Variants in ANXA7 observed in about 807,000 individuals in gnomAD.
ANXA7 encodes the protein annexin VII.
A neutral mutation model predicts 64.9 loss-of-function variants in ANXA7; 55 were observed. That is an observed-to-expected ratio of 0.85 (90% CI 0.68 to 1.06). The LOEUF is 1.06. ANXA7 is among the 50% of genes least tolerant of loss of function. ANXA7 has a pLI of 0.00. For synonymous variants in ANXA7, 200 were observed against 192.4 expected (o/e 1.04, Z -0.33); for missense variants, 548 against 582.1 (o/e 0.94, Z 0.60).
Position 73,383,578 on chromosome 10 carries a change from T to C in ANXA7, c.746A>G (p.Gln249Arg), listed in dbSNP as rs1267843761. ...YDAWSLRKAM[Q>R]GAGTQERVLI... The stretch of plus-strand genomic sequence containing the variant: ...ATAATAAATGACATATAGTAGTACC[T>C]GCATTGCTTTCCGTAAGCTCCAGGC... The change falls in exon 8 of 13, where the codon CAG becomes CGG. Residue 249 changes from glutamine (Q) to arginine (R), a missense_variant and splice_region_variant. Physicochemically the swap from Gln to Arg is conservative, Grantham distance 43 (BLOSUM62 1). Coordinates refer to ENST00000372921, the MANE Select transcript of ANXA7 (RefSeq NM_001156.5). 6 of 1,600,218 alleles carry C rather than the reference T, an allele frequency of 3.7e-6. No homozygotes were observed. The highest frequency in any genetic ancestry group is 2.6e-6 in the Non-Finnish European group (3 of 1,167,574).
At chr10:73,378,508 T>A (rs956455042) in intron 12 of ANXA7, among the ~76,000 whole-genome samples, 2 of 152,170 alleles carry the variant, frequency 1.3e-5, no homozygotes, top group Non-Finnish European at 2.9e-5. Context: ...ATGAATATTT[T>A]AAAAATTGTT....
At chr10:73,390,902 T>A (rs1356432008) in intron 5 of ANXA7, among the ~76,000 whole-genome samples, 1 of 151,870 alleles carries the variant, frequency 6.6e-6, no homozygotes, top group Non-Finnish European at 1.5e-5. Flanking sequence ...CTGGGCACAG[T>A]GGCTCATGCC....
At chr10:73,396,625 T>C (rs748274070) in intron 4 of ANXA7, 42 bp from the exon 5 acceptor site, 17 of 1,314,878 alleles carry the variant, frequency 1.3e-5, no homozygotes. Context: ...GCAACAGGTC[T>C]TACATGTTTT....
At chr10:73,379,134 C>T (rs1014122803) in intron 11 of ANXA7, 111 bp from the exon 12 acceptor site, 4 of 696,980 alleles carry the variant, frequency 5.7e-6, no homozygotes, top group African/African-American at 3.7e-5. Flanking sequence ...CTGTAATCAT[C>T]ACAGAAACAT....
intron 9 of ANXA7, chr10:73,381,357 G>A (rs914305660): frequency 6.6e-6 from 1 of 152,210 alleles, no homozygotes; most frequent in African/African-American, 2.4e-5. Flanking sequence ...AAGAAAGGAA[G>A]GAGGAAGGAA....
chr10:73,390,282 G>A (rs2055448111), intron 5 of ANXA7, among the ~76,000 whole-genome samples: 1 of 152,138 alleles, frequency 6.6e-6, no homozygotes, highest in African/African-American at 2.4e-5. Flanking sequence ...AAGCAACTGA[G>A]GAGATGAGAA....
chr10:73,379,889 C>G lies in ANXA7; in HGVS notation c.1155G>C (p.Leu385Phe), dbSNP rs760291333. 20 of 1,614,034 alleles carry G rather than the reference C, an allele frequency of 1.2e-5. No homozygotes were observed. The highest frequency in any genetic ancestry group is 1.5e-5 in the Non-Finnish European group (18 of 1,180,016). The change falls in exon 11 of 13, where the codon TTG becomes TTC. Residue 385 changes from leucine to phenylalanine, a missense_variant. Transcript: ENST00000372921. ...ACAAAAATATCTTACAGATGGTCTT[C>G]AAACCACTTTCTACATATCCGGAAA... is the stretch of plus-strand genomic sequence containing the variant. ...REFSGYVESGLKTILQCALNR... is the reference protein window; with the variant it reads ...REFSGYVESGFKTILQCALNR...
chr10:73,383,301 T>A lies in ANXA7; in HGVS notation c.792A>T (p.Thr264=). 3 of 1,614,176 alleles carry A rather than the reference T, an allele frequency of 1.9e-6. No individual in the cohort carries two copies. In the South Asian group the frequency reaches 3.3e-5, roughly 18 times the overall value. ...QERVLIEILC[T]RTNQEIREIV... ...TTTCTCGGATTTCCTGATTTGTTCT[T>A]GTGCACAAAATCTCAATCAATACAC... is the stretch of plus-strand genomic sequence containing the variant. The change falls in exon 9 of 13, where the codon ACA becomes ACT. Residue 264 remains threonine (T), a synonymous_variant. Coordinates refer to ENST00000372921, the MANE Select transcript of ANXA7 (RefSeq NM_001156.5).
intron 5 of ANXA7, among the ~76,000 whole-genome samples, chr10:73,395,305 C>G (rs549422389): frequency 7.2e-5 from 11 of 152,288 alleles, no homozygotes; most frequent in Admixed American, 5.9e-4. Flanking sequence ...ATACTAGAAT[C>G]CTTCTCCTAC....
In ANXA7 at chr10:73,378,800, G is replaced by C. The variant is rs543560451; in HGVS notation, c.1278+111C>G. The C allele has an allele frequency of 1.8e-5, 14 of 762,854 alleles. No homozygotes were observed. The Admixed American group carries it at 2.6e-4, about 14-fold the overall frequency. The allele number at this position is 762,854 out of a possible 1,614,324, so 47.3% of individuals were successfully genotyped here. The stretch of plus-strand genomic sequence containing the variant: ...TATACCACCTCTTTTAGGTGGCAAA[G>C]AGAGCTCTTTCTTATCATTTTTGAG... On this transcript the variant is annotated intron_variant, in intron 12 of 12. Coordinates refer to ENST00000372921, the MANE Select transcript of ANXA7 (RefSeq NM_001156.5).
At position 73,379,735 on chromosome 10, in the gene ANXA7, C is replaced by T. The variant is rs2055242994; in HGVS notation, c.1165+144G>A. 9 of 822,390 alleles carry T rather than the reference C, an allele frequency of 1.1e-5. No individual in the cohort carries two copies. The East Asian group carries it at 2.0e-4, about 18-fold the overall frequency. The allele number at this position is 822,390 out of a possible 1,614,324, so 50.9% of individuals were successfully genotyped here. The stretch of plus-strand genomic sequence containing the variant: ...CTTATCCAATAAAGAAAACAAACAA[C>T]AAAAAACAAACCCCAAAGGATTAGA... On this transcript the variant is annotated intron_variant, in intron 11 of 12. Coordinates refer to ENST00000372921, the MANE Select transcript of ANXA7 (RefSeq NM_001156.5).
intron 12 of ANXA7, among the ~76,000 whole-genome samples, chr10:73,378,377 CAAAAAAAA>C (rs755093944): frequency 4.8e-5 from 3 of 63,150 alleles, no homozygotes; most frequent in East Asian, 4.6e-4. Context: ...GACCATGTCT[CAAAAAAAA>C]AAAAAAAAAA....
chr10:73,383,442 A>C, intron 8 of ANXA7, 97 bp from the exon 9 acceptor site: 1 of 1,319,154 alleles, frequency 7.6e-7, no homozygotes. Context: ...AGAACTAAAA[A>C]CTATATATTC....
chr10:73,377,904 C>CAT (rs1304811684), intron 12 of ANXA7, among the ~76,000 whole-genome samples: 2 of 119,328 alleles, frequency 1.7e-5, no homozygotes, highest in South Asian at 3.2e-4. Context: ...CACGCCCCGG[C>CAT]GTGTGTGTGT....
At chr10:73,391,357 C>A (rs1005660454) in intron 5 of ANXA7, among the ~76,000 whole-genome samples, 2 of 151,806 alleles carry the variant, frequency 1.3e-5, no homozygotes, top group African/African-American at 4.8e-5. Flanking sequence ...ACATCTGCAA[C>A]TCCAGCATTT....
Position 73,393,143 on chromosome 10 carries a change from A to T in ANXA7, c.435+3376T>A, listed in dbSNP as rs2055513667. On this transcript the variant is annotated intron_variant, in intron 5 of 12. Transcript: ENST00000372921. ...TAAAATACATAGGAAGCCAACTTACAAGGGATGTGAAGGACCTCTTCAAGG... is the reference window on the plus strand; with the variant it reads ...TAAAATACATAGGAAGCCAACTTACTAGGGATGTGAAGGACCTCTTCAAGG... Among the ~76,000 whole-genome samples, 3 of 152,338 alleles carry T rather than the reference A, an allele frequency of 2.0e-5. 1 individual carries two copies. In the South Asian group the frequency reaches 6.2e-4, roughly 32 times the overall value.
intron 7 of ANXA7, 29 bp downstream of exon 7, chr10:73,387,650 AGCCACTGCTG>A (rs1252650185): frequency 6.8e-7 from 1 of 1,467,848 alleles, no homozygotes; most frequent in African/African-American, 1.4e-5. Flanking sequence ...AGAGTCTACC[AGCCACTGCTG>A]GTGCTCATTC....
At chr10:73,399,860 G>A (rs2055633292) in intron 2 of ANXA7, among the ~76,000 whole-genome samples, 1 of 150,074 alleles carries the variant, frequency 6.7e-6, no homozygotes, top group East Asian at 2.0e-4. Context: ...ACTGAAATGT[G>A]GCCAGGCGCA....
rs1589642282 is a variant in ANXA7, at chr10:73,375,833, T to C, written c.*262A>G. The C allele has an allele frequency of 4.1e-6, 1 of 242,080 alleles. No individual in the cohort carries two copies. Among genetic ancestry groups the C allele is most frequent in the East Asian group, 8.3e-5 (1 of 12,078 alleles). The allele number at this position is 242,080 out of a possible 1,614,324, so 15.0% of individuals were successfully genotyped here. ...TTTGACATCTTGATTAGAATGAAAC[T>C]AGTAAGAATGAAGGTTTACAAACAT... is the stretch of plus-strand genomic sequence containing the variant. On this transcript the variant is annotated 3_prime_UTR_variant, in exon 13 of 13. Coordinates refer to ENST00000372921, the MANE Select transcript of ANXA7 (RefSeq NM_001156.5).
Sources: allele counts gnomAD v4.1 joint callset (sites outside exome capture counted in the v4.1 genomes callset), GRCh38; gene constraint gnomAD v4.1.1; transcripts MANE v1.5; gene names NCBI Gene and HGNC (gene_info 2026-07-23, HGNC 2026-07-21).